KCNAB1: variants seen among roughly 807,000 people sequenced by gnomAD.
KCNAB1 encodes the protein voltage-gated potassium channel subunit beta-1.
KCNAB1 carries 35 observed loss-of-function variants against 64.6 expected under a neutral mutation model. That is an observed-to-expected ratio of 0.54 (90% CI 0.41 to 0.72). The LOEUF is 0.72. Ranked by LOEUF, KCNAB1 falls within the 30% of genes least tolerant of loss-of-function variation. The pLI is 0.00. For missense variants in KCNAB1, 401 were observed against 512.9 expected (o/e 0.78, Z 2.11); for synonymous variants, 177 against 183.8 (o/e 0.96, Z 0.30).
intron 1 of KCNAB1, among the ~76,000 whole-genome samples, chr3:156,236,670 C>T (rs1716867060): frequency 1.3e-5 from 2 of 152,192 alleles, no homozygotes; most frequent in African/African-American, 4.8e-5. Flanking sequence ...CTGCAGACTT[C>T]TTCTTTTCTT....
intron 1 of KCNAB1, among the ~76,000 whole-genome samples, chr3:156,338,691 C>G (rs1723899796): frequency 6.6e-6 from 1 of 152,198 alleles, no homozygotes; most frequent in African/African-American, 2.4e-5. Flanking sequence ...GGAGAGAAAA[C>G]AGACCCATTG....
At chr3:156,470,284 C>T (rs1713787077) in intron 7 of KCNAB1, among the ~76,000 whole-genome samples, 1 of 152,138 alleles carries the variant, frequency 6.6e-6, no homozygotes, top group Admixed American at 6.5e-5. Context: ...TTCTAAAATC[C>T]AATTTACTCA....
chr3:156,300,430 C>T (rs1444495511), intron 1 of KCNAB1, among the ~76,000 whole-genome samples: 2 of 152,096 alleles, frequency 1.3e-5, no homozygotes, highest in Non-Finnish European at 2.9e-5. Context: ...TTTCTGACTC[C>T]CAACTGTAAC....
intron 1 of KCNAB1, among the ~76,000 whole-genome samples, chr3:156,393,562 C>T (rs1713202619): frequency 1.3e-5 from 2 of 152,282 alleles, no homozygotes; most frequent in South Asian, 4.2e-4. Context: ...GTCAAGATTT[C>T]TGTCTGACAA....
intron 1 of KCNAB1, among the ~76,000 whole-genome samples, chr3:156,242,180 C>G (rs529555081): frequency 5.3e-5 from 8 of 152,304 alleles, no homozygotes. Flanking sequence ...TCTGTAAACT[C>G]TCATGTCCTC....
intron 1 of KCNAB1, among the ~76,000 whole-genome samples, chr3:156,297,916 G>GA (rs941778510): frequency 6.6e-6 from 1 of 151,952 alleles, no homozygotes; most frequent in Non-Finnish European, 1.5e-5. Flanking sequence ...TTTTAGTCCA[G>GA]AAAAAAAGAG....
chr3:156,132,246 G>A (rs555743627), intron 1 of KCNAB1, among the ~76,000 whole-genome samples: 1 of 152,164 alleles, frequency 6.6e-6, no homozygotes, highest in Non-Finnish European at 1.5e-5. Flanking sequence ...GAGCCACATG[G>A]TGGGTCAATC....
intron 1 of KCNAB1, among the ~76,000 whole-genome samples, chr3:156,329,724 A>G (rs1199666919): frequency 1.3e-5 from 2 of 152,208 alleles, no homozygotes; most frequent in Non-Finnish European, 2.9e-5. Flanking sequence ...AGAAAACATC[A>G]GAGAAGAGAG....
chr3:156,143,810 G>C (rs1342060619), intron 1 of KCNAB1, among the ~76,000 whole-genome samples: 1 of 150,630 alleles, frequency 6.6e-6, no homozygotes, highest in Non-Finnish European at 1.5e-5. Context: ...ATGCTGCCTG[G>C]GATTCAAGAC....
intron 1 of KCNAB1, among the ~76,000 whole-genome samples, chr3:156,333,363 T>TACACAC (rs1225128864): frequency 6.5e-5 from 9 of 138,472 alleles, no homozygotes; most frequent in African/African-American, 2.9e-4. Context: ...CACACACACG[T>TACACAC]GTATAGCTTT....
chr3:156,248,579 A>G (rs1717612030), intron 1 of KCNAB1, among the ~76,000 whole-genome samples: 1 of 148,954 alleles, frequency 6.7e-6, no homozygotes, highest in Non-Finnish European at 1.5e-5. Context: ...GAATGCCATT[A>G]GTTAAGACTC....
intron 1 of KCNAB1, among the ~76,000 whole-genome samples, chr3:156,262,021 C>A (rs1381150950): frequency 6.6e-6 from 1 of 151,730 alleles, no homozygotes; most frequent in Non-Finnish European, 1.5e-5. Context: ...TTTGGCTGTT[C>A]ATTGCTAGTA....
At chr3:156,456,232 C>G (rs942311901) in intron 3 of KCNAB1, 3 of 152,142 alleles carry the variant, frequency 2.0e-5, no homozygotes, top group Admixed American at 6.5e-5. Flanking sequence ...TCTCTGTCAT[C>G]ATTTAGTTTA....
chr3:156,219,469 G>A (rs1043632875), intron 1 of KCNAB1, among the ~76,000 whole-genome samples: 7 of 151,914 alleles, frequency 4.6e-5, no homozygotes, highest in African/African-American at 1.7e-4. Flanking sequence ...TATGTTAAAT[G>A]TCCAAACCTA....
In KCNAB1 at chr3:156,497,161, A is replaced by G. The variant is rs530897405; in HGVS notation, c.659-17203A>G. ...CTTTTGGTTAGTTAACAGATATCTG[A>G]CAATATAAATAAGTGCCACAGAGCT... On this transcript the variant is annotated intron_variant, in intron 8 of 13. Coordinates refer to ENST00000490337, the MANE Select transcript of KCNAB1 (RefSeq NM_172160.3). 3.9e-4 allele frequency among the ~76,000 whole-genome samples: 60 copies of G among 152,330 alleles called. 2 individuals carry two copies. Among genetic ancestry groups the G allele is most frequent in the Non-Finnish European group, 7.8e-4 (53 of 68,036 alleles).
intron 1 of KCNAB1, among the ~76,000 whole-genome samples, chr3:156,133,910 G>GT (rs201871181): frequency 0.011 from 1,610 of 145,112 alleles, 27 homozygotes; most frequent in East Asian, 0.076. Flanking sequence ...GTTGACTTTT[G>GT]TTTTTTTTTT....
At chr3:156,503,086 C>T (rs929994864) in intron 8 of KCNAB1, among the ~76,000 whole-genome samples, 4 of 152,186 alleles carry the variant, frequency 2.6e-5, no homozygotes, top group African/African-American at 9.7e-5. Flanking sequence ...TCACTTTTAT[C>T]AGGATAGAAT....
At chr3:156,374,402 CAGTG>C in intron 1 of KCNAB1, among the ~76,000 whole-genome samples, 3 of 85,226 alleles carry the variant, frequency 3.5e-5, no homozygotes, top group East Asian at 2.1e-4. Flanking sequence ...TGAGCTATTT[CAGTG>C]TTGAGCCATA....
Position 156,466,238 on chromosome 3 carries a change from A to G in KCNAB1, c.571+552A>G, listed in dbSNP as rs557722789. Among the ~76,000 whole-genome samples the G allele has an allele frequency of 2.6e-5, 4 of 152,216 alleles. No homozygotes were observed. In the South Asian group the frequency reaches 6.2e-4, roughly 24 times the overall value. ...TCATGTAAATGAGATCTCATGATAT[A>G]TGATATTTTGTAACTGATTTCTTTC... On this transcript the variant is annotated intron_variant, in intron 7 of 13. Transcript: ENST00000490337.
Sources: allele counts gnomAD v4.1 joint callset (sites outside exome capture counted in the v4.1 genomes callset), GRCh38; gene constraint gnomAD v4.1.1; transcripts MANE v1.5; gene names NCBI Gene and HGNC (gene_info 2026-07-23, HGNC 2026-07-21).